Variants in EYS observed in about 807,000 individuals in gnomAD.
EYS encodes the protein EGF-like photoreceptor maintenance factor.
EYS carries 250 observed loss-of-function variants against 282.1 expected under a neutral mutation model. The ratio of observed to expected loss-of-function variants is 0.89; its 90% confidence interval spans 0.80 to 0.98. The LOEUF is 0.98. Ranked by LOEUF, EYS falls within the 50% of genes least tolerant of loss-of-function variation. EYS has a pLI of 0.00. For missense variants in EYS, 4,016 were observed against 3,709.0 expected (o/e 1.08, Z -2.15); for synonymous variants, 1,355 against 1,282.9 (o/e 1.06, Z -1.20).
chr6:64,730,007 T>A (rs1771904936), intron 22 of EYS, among the ~76,000 whole-genome samples: 1 of 151,998 alleles, frequency 6.6e-6, no homozygotes, highest in Non-Finnish European at 1.5e-5. Context: ...TATAGAAAAA[T>A]CTTAGGAATG....
chr6:64,564,635 A>T (rs1220778658), intron 26 of EYS, among the ~76,000 whole-genome samples: 1 of 152,074 alleles, frequency 6.6e-6, no homozygotes, highest in Non-Finnish European at 1.5e-5. Context: ...CAGGTTTGTT[A>T]CATAGGTATA....
Position 65,404,611 on chromosome 6 carries a change from A to G in EYS, c.1056+563T>C, listed in dbSNP as rs75996371. 2.7e-3 allele frequency among the ~76,000 whole-genome samples: 412 copies of G among 152,066 alleles called. 5 individuals are homozygous for G. The highest frequency in any genetic ancestry group is 9.6e-3 in the African/African-American group (398 of 41,526). On this transcript the variant is annotated intron_variant, in intron 6 of 42. Coordinates refer to ENST00000503581, the MANE Select transcript of EYS (RefSeq NM_001142800.2). The stretch of plus-strand genomic sequence containing the variant: ...CAGGTGGAGTAAAAAATGTTCTTCT[A>G]TAAACTTTTATCTGTATATTATGTT...
At chr6:64,760,905 C>T (rs1773136478) in intron 22 of EYS, among the ~76,000 whole-genome samples, 1 of 152,144 alleles carries the variant, frequency 6.6e-6, no homozygotes, top group African/African-American at 2.4e-5. Flanking sequence ...CACTTTAGAA[C>T]CTAGCCATTG....
intron 29 of EYS, among the ~76,000 whole-genome samples, chr6:64,357,818 A>T (rs1345304570): frequency 6.6e-6 from 1 of 151,616 alleles, no homozygotes. Context: ...TTTAACTTGT[A>T]AACAGGTGGC....
At chr6:64,057,453 C>T (rs1771024534) in intron 33 of EYS, among the ~76,000 whole-genome samples, 1 of 150,858 alleles carries the variant, frequency 6.6e-6, no homozygotes, top group Non-Finnish European at 1.5e-5. Flanking sequence ...TATTATAATC[C>T]ACCTTCACAT....
chr6:65,553,261 G>A (rs1489427861), intron 2 of EYS, among the ~76,000 whole-genome samples: 1 of 152,164 alleles, frequency 6.6e-6, no homozygotes, highest in East Asian at 1.9e-4. Context: ...TCAGTAATCA[G>A]AAACAGTTTA....
At chr6:64,702,753 A>G (rs1281996794) in intron 22 of EYS, among the ~76,000 whole-genome samples, 1 of 152,182 alleles carries the variant, frequency 6.6e-6, no homozygotes, top group Non-Finnish European at 1.5e-5. Flanking sequence ...ACTTAATGCT[A>G]TACTCTGTAC....
intron 26 of EYS, among the ~76,000 whole-genome samples, chr6:64,502,595 T>C (rs1028972225): frequency 6.6e-5 from 10 of 152,160 alleles, no homozygotes; most frequent in Non-Finnish European, 1.2e-4. Flanking sequence ...CAAAACAATA[T>C]TTTTCTATTT....
At chr6:64,704,067 T>A (rs1770888296) in intron 22 of EYS, among the ~76,000 whole-genome samples, 1 of 151,924 alleles carries the variant, frequency 6.6e-6, no homozygotes, top group African/African-American at 2.4e-5. Context: ...CATACCCTTA[T>A]ATGAAAGAGA....
Position 64,886,727 on chromosome 6 carries a change from A to T in EYS, c.2962T>A (p.Tyr988Asn), listed in dbSNP as rs1341913397. ...EENCVYRTDGYNCLCAPGYTG... is the reference protein window; with the variant it reads ...EENCVYRTDGNNCLCAPGYTG... ...TAACCAGGGGCACAGAGGCAGTTGT[A>T]TCCATCAGTCCTGTAGACACAATTT... is the stretch of plus-strand genomic sequence containing the variant. Residue 988 changes from tyrosine (Y) to asparagine (N), a missense_variant, in exon 19 of 43, where the codon TAC (tyrosine) becomes AAC (asparagine). Physicochemically the swap from Tyr to Asn is moderately radical, Grantham distance 143. Coordinates refer to ENST00000503581, the MANE Select transcript of EYS (RefSeq NM_001142800.2). 6.5e-7 allele frequency: 1 copy of T among 1,546,530 alleles called. No homozygotes were observed. The highest frequency in any genetic ancestry group is 8.7e-7 in the Non-Finnish European group (1 of 1,144,220).
chr6:65,057,780 C>T, intron 12 of EYS, 53 bp from the exon 13 acceptor site: 1 of 1,218,066 alleles, frequency 8.2e-7, no homozygotes, highest in Non-Finnish European at 1.2e-6. Context: ...AGGCATGTAT[C>T]AAGTCGTAAT....
chr6:63,953,778 C>A (rs539883923), intron 35 of EYS, among the ~76,000 whole-genome samples: 38 of 152,238 alleles, frequency 2.5e-4, no homozygotes, highest in South Asian at 6.2e-4. Flanking sequence ...TTTCATTACA[C>A]ACAGCTGAAA....
chr6:64,959,216 G>T (rs7745549), intron 14 of EYS, among the ~76,000 whole-genome samples: 38,144 of 151,964 alleles, frequency 0.25, 5,944 homozygotes, highest in African/African-American at 0.43. Context: ...TCAGCATGTT[G>T]GAATTCCATA....
intron 31 of EYS, among the ~76,000 whole-genome samples, chr6:64,103,529 G>C (rs1360014235): frequency 6.6e-6 from 1 of 152,122 alleles, no homozygotes; most frequent in African/African-American, 2.4e-5. Flanking sequence ...AAGGTACATT[G>C]AGAAAAGTCT....
At position 63,759,011 on chromosome 6, in the gene EYS, T is replaced by C. The variant is rs558829633; in HGVS notation, c.8071+3450A>G. On this transcript the variant is annotated intron_variant, in intron 41 of 42. Transcript: ENST00000503581. ...GGCAGGGTATTTATGACTCAGTATA[T>C]AAAACATTTTGAGGGAGGAAACTTC... Among the ~76,000 whole-genome samples, 4 of 152,208 alleles carry C rather than the reference T, an allele frequency of 2.6e-5. No individual in the cohort carries two copies. In the South Asian group the frequency reaches 8.3e-4, roughly 32 times the overall value.
At chr6:64,236,631 T>C (rs1766615025) in intron 30 of EYS, among the ~76,000 whole-genome samples, 1 of 152,078 alleles carries the variant, frequency 6.6e-6, no homozygotes, top group African/African-American at 2.4e-5. Context: ...TTAATGACCA[T>C]CTTATCAATT....
At chr6:64,454,328 G>C (rs868787341) in intron 26 of EYS, among the ~76,000 whole-genome samples, 16 of 151,952 alleles carry the variant, frequency 1.1e-4, no homozygotes, top group African/African-American at 1.7e-4. Context: ...TCTGCATATT[G>C]TTCTTCTTCT....
intron 41 of EYS, among the ~76,000 whole-genome samples, chr6:63,735,904 A>G (rs1197205804): frequency 2.0e-5 from 3 of 152,118 alleles, no homozygotes; most frequent in South Asian, 2.1e-4. Flanking sequence ...ACTTAGCTCT[A>G]TCTGGTGTGT....
At chr6:64,979,888 T>C (rs1770595279) in intron 14 of EYS, among the ~76,000 whole-genome samples, 1 of 151,556 alleles carries the variant, frequency 6.6e-6, no homozygotes. Context: ...TATTGTGAGT[T>C]GGACAAATTA....
Sources: allele counts gnomAD v4.1 joint callset (sites outside exome capture counted in the v4.1 genomes callset), GRCh38; gene constraint gnomAD v4.1.1; transcripts MANE v1.5; gene names NCBI Gene and HGNC (gene_info 2026-07-23, HGNC 2026-07-21).